The following ELAPOR1 variants were observed in gnomAD, a reference collection of about 807,000 sequenced individuals.
The protein encoded by ELAPOR1 is endosome/lysosome-associated apoptosis and autophagy regulator 1.
ELAPOR1 carries 77 observed loss-of-function variants against 119.7 expected under a neutral mutation model. That is an observed-to-expected ratio of 0.64 (90% CI 0.54 to 0.78). The LOEUF (loss-of-function observed/expected upper bound fraction) is 0.78. ELAPOR1 is among the 30% of genes least tolerant of loss of function. The pLI is 0.00. For missense variants in ELAPOR1, 1,115 were observed against 1,270.4 expected, an observed-to-expected ratio of 0.88 and a Z score of 1.86; for synonymous variants, 481 against 487.2, an observed-to-expected ratio of 0.99 and a Z score of 0.17.
At chr1:109,172,343 CA>C in intron 4 of ELAPOR1, 144 bp from the exon 5 acceptor site, 1 of 648,272 alleles carries the variant, frequency 1.5e-6, no homozygotes, top group Admixed American at 2.9e-5. Flanking sequence ...CTTTGAGGCT[CA>C]TGTGTTTTGA....
At chr1:109,168,523 C>T (rs1368597115) in intron 3 of ELAPOR1, among the ~76,000 whole-genome samples, 1 of 152,118 alleles carries the variant, frequency 6.6e-6, no homozygotes, top group Non-Finnish European at 1.5e-5. Flanking sequence ...TCCCATGGGT[C>T]CTGGGTTGAT....
rs142358404 is a variant in ELAPOR1, at chr1:109,200,071, G to A, written c.2641G>A (p.Val881Met). 4.3e-5 allele frequency: 70 copies of A among 1,614,020 alleles called. No individual in the cohort carries two copies. The highest frequency in any genetic ancestry group is 3.3e-4 in the Middle Eastern group (2 of 6,084). Residue 881 changes from valine (V) to methionine (M), a missense_variant, in exon 20 of 22, where the codon GTG (valine) becomes ATG (methionine). Physicochemically the swap from Val to Met is conservative, Grantham distance 21. Transcript: ENST00000369939. ...TTCTCCCCAACAGAAGACTACTTAC[G>A]TGTGGCGAGAACCCAAGCTATGCTC... ...CVAGIQKTTY[V>M]WREPKLCSGG...
Position 109,205,969 on chromosome 1 carries a change from C to T in ELAPOR1, c.*2957C>T, listed in dbSNP as rs1330065611. The T allele has an allele frequency of 6.6e-6, 1 of 152,130 alleles. No individual in the cohort carries two copies. Among genetic ancestry groups the T allele is most frequent in the Non-Finnish European group, 1.5e-5 (1 of 68,038 alleles). The allele number at this position is 152,130 out of a possible 1,614,324, so 9.4% of individuals were successfully genotyped here. ...ATACGATTCAATGGTTTTCAGCAAA[C>T]TCACAGAGTTGTCCGCCCACTTGAG... On this transcript the variant is annotated 3_prime_UTR_variant, in exon 22 of 22. Coordinates refer to ENST00000369939, the MANE Select transcript of ELAPOR1 (RefSeq NM_020775.5).
chr1:109,118,677 T>C (rs1162091610), intron 1 of ELAPOR1, among the ~76,000 whole-genome samples: 1 of 151,846 alleles, frequency 6.6e-6, no homozygotes, highest in Non-Finnish European at 1.5e-5. Context: ...GACGGGCGGG[T>C]CAAGGATTTT....
rs1269761950 is a variant in ELAPOR1, at chr1:109,195,310, G to A, written c.2121+716G>A. Among the ~76,000 whole-genome samples, 4 of 151,746 alleles carry A rather than the reference G, an allele frequency of 2.6e-5. No homozygotes were observed. In the South Asian group the frequency reaches 6.2e-4, roughly 24 times the overall value. On this transcript the variant is annotated intron_variant, in intron 15 of 21. Coordinates refer to ENST00000369939, the MANE Select transcript of ELAPOR1 (RefSeq NM_020775.5). ...AGATCGAGACCATTCTGGCTAACAC[G>A]GTGAAACCCTGTCTCTACTAAAAAT... is the stretch of plus-strand genomic sequence containing the variant.
At chr1:109,193,578 T>C (rs1464636184) in intron 14 of ELAPOR1, among the ~76,000 whole-genome samples, 1 of 152,244 alleles carries the variant, frequency 6.6e-6, no homozygotes, top group Non-Finnish European at 1.5e-5. Context: ...ATAAAGTGGA[T>C]AAGCAGTGTT....
chr1:109,206,178 C>G lies in ELAPOR1; in HGVS notation c.*3166C>G, dbSNP rs1182889628. Reference sequence around the variant, plus strand: ...TACAAGCATGCGCCACCACGCCTAGCTAATTTTTGTGTTTTTAGTAGAGAT... The same window carrying G: ...TACAAGCATGCGCCACCACGCCTAGGTAATTTTTGTGTTTTTAGTAGAGAT... On this transcript the variant is annotated 3_prime_UTR_variant, in exon 22 of 22. Transcript: ENST00000369939. 2 of 152,146 alleles carry G rather than the reference C, an allele frequency of 1.3e-5. No individual in the cohort carries two copies. Among genetic ancestry groups the G allele is most frequent in the African/African-American group, 4.8e-5 (2 of 41,416 alleles). The allele number at this position is 152,146 out of a possible 1,614,324, so 9.4% of individuals were successfully genotyped here. A position where few individuals can be genotyped will look rare whatever the true frequency, so the allele number is the denominator to read the frequency against.
intron 3 of ELAPOR1, among the ~76,000 whole-genome samples, chr1:109,165,068 A>T (rs2101046030): frequency 6.6e-6 from 1 of 152,242 alleles, no homozygotes; most frequent in South Asian, 2.1e-4. Context: ...ATGTGGGAGG[A>T]TTGCCTGAGG....
At position 109,138,479 on chromosome 1, in the gene ELAPOR1, G is replaced by A. The variant is rs1377079872; in HGVS notation, c.154-23415G>A. On this transcript the variant is annotated intron_variant, in intron 1 of 21. Coordinates refer to ENST00000369939, the MANE Select transcript of ELAPOR1 (RefSeq NM_020775.5). ...CTCGGAGCGCTCATATATCACAGGTGTGTCCACAGCTGATAAGATCCCTTT... is the reference window on the plus strand; with the variant it reads ...CTCGGAGCGCTCATATATCACAGGTATGTCCACAGCTGATAAGATCCCTTT... Among the ~76,000 whole-genome samples the A allele has an allele frequency of 2.0e-5, 3 of 151,998 alleles. No individual in the cohort carries two copies. In the South Asian group the frequency reaches 6.2e-4, roughly 32 times the overall value.
intron 1 of ELAPOR1, among the ~76,000 whole-genome samples, chr1:109,143,622 A>T (rs1487683375): frequency 6.6e-6 from 1 of 152,194 alleles, no homozygotes; most frequent in Non-Finnish European, 1.5e-5. Context: ...TACGATTTTT[A>T]TCTCAATTTT....
chr1:109,191,630 C>CAGTT, intron 12 of ELAPOR1, 96 bp from the exon 13 acceptor site: 1 of 1,525,712 alleles, frequency 6.6e-7, no homozygotes, highest in South Asian at 1.2e-5. Flanking sequence ...TAACAAGGGT[C>CAGTT]TCACCAACCG....
At chr1:109,130,328 T>C (rs979106261) in intron 1 of ELAPOR1, among the ~76,000 whole-genome samples, 1 of 152,052 alleles carries the variant, frequency 6.6e-6, no homozygotes, top group Non-Finnish European at 1.5e-5. Flanking sequence ...AAAGTGCCAA[T>C]GAGCAGAGAA....
At chr1:109,169,622 G>A (rs759140124) in intron 3 of ELAPOR1, among the ~76,000 whole-genome samples, 1 of 152,098 alleles carries the variant, frequency 6.6e-6, no homozygotes, top group Non-Finnish European at 1.5e-5. Context: ...GAGTGTTTTC[G>A]ATTACCTGTT....
At chr1:109,132,589 T>C (rs986978209) in intron 1 of ELAPOR1, among the ~76,000 whole-genome samples, 10 of 152,200 alleles carry the variant, frequency 6.6e-5, no homozygotes, top group Admixed American at 1.3e-4. Flanking sequence ...GGGATTTGAC[T>C]TAAGCCAAAA....
rs1447982179 is a variant in ELAPOR1, at chr1:109,197,584, C to T, written c.2232C>T (p.Ile744=). 1.9e-6 allele frequency: 3 copies of T among 1,614,180 alleles called. No homozygotes were observed. The highest frequency in any genetic ancestry group is 2.2e-5 in the East Asian group (1 of 44,888). The change falls in exon 16 of 22, where the codon ATC becomes ATT. Residue 744 remains isoleucine, a synonymous_variant. Coordinates refer to ENST00000369939, the MANE Select transcript of ELAPOR1 (RefSeq NM_020775.5). Reference sequence around the variant, plus strand: ...CCTACGTCTGCCAGGCAGTCATCATCCCCCCAGAGGTGACAGGCTACAAGG... The same window carrying T: ...CCTACGTCTGCCAGGCAGTCATCATTCCCCCAGAGGTGACAGGCTACAAGG... The part of the protein sequence containing the change: ...ITAYVCQAVI[I]PPEVTGYKAG...
chr1:109,154,191 G>T (rs1246940941), intron 1 of ELAPOR1, among the ~76,000 whole-genome samples: 1 of 146,030 alleles, frequency 6.8e-6, no homozygotes, highest in Non-Finnish European at 1.5e-5. Context: ...TGAGGCAGGA[G>T]AATTGCTTGA....
chr1:109,120,699 A>G (rs1400123788), intron 1 of ELAPOR1, among the ~76,000 whole-genome samples: 1 of 152,012 alleles, frequency 6.6e-6, no homozygotes, highest in East Asian at 1.9e-4. Flanking sequence ...CTCTCTTCAC[A>G]AGTAATGCTG....
intron 1 of ELAPOR1, among the ~76,000 whole-genome samples, chr1:109,126,376 A>G (rs1648780005): frequency 1.3e-5 from 2 of 152,240 alleles, no homozygotes; most frequent in African/African-American, 4.8e-5. Context: ...AATCCCAGGT[A>G]TGATCCTTAA....
chr1:109,142,225 C>T (rs1029324535), intron 1 of ELAPOR1, among the ~76,000 whole-genome samples: 3 of 152,078 alleles, frequency 2.0e-5, no homozygotes, highest in South Asian at 4.1e-4. Flanking sequence ...TTAAAAAGAA[C>T]AAACAAAAAA....
Sources: gnomAD v4.1 joint callset for allele counts (sites outside exome capture counted in the v4.1 genomes callset) on GRCh38, gnomAD v4.1.1 for gene constraint, MANE v1.5 for transcripts, NCBI Gene and HGNC (gene_info 2026-07-23, HGNC 2026-07-21) for gene names.